RASGRF1: variants seen among roughly 807,000 people sequenced by gnomAD.
The protein encoded by RASGRF1 is Ras protein specific guanine nucleotide releasing factor 1.
In RASGRF1, 40 loss-of-function variants were observed where a neutral mutation model predicts 138.7. The observed-to-expected ratio is 0.29, with a 90% CI of 0.22 to 0.38. RASGRF1 has a LOEUF of 0.38. Among genes scored for constraint, RASGRF1 ranks in the 10% least tolerant of loss-of-function variants. The probability of loss-of-function intolerance (pLI) is 1.00; values close to 1 mark genes in which losing one functional copy is unlikely to be tolerated. For missense variants in RASGRF1, 1,108 were observed against 1,650.4 expected, an observed-to-expected ratio of 0.67 and a Z score of 5.69; for synonymous variants, 614 against 663.2, an observed-to-expected ratio of 0.93 and a Z score of 1.14.
At chr15:79,033,754 T>A (rs1202086745) in intron 6 of RASGRF1, among the ~76,000 whole-genome samples, 2 of 151,596 alleles carry the variant, frequency 1.3e-5, no homozygotes, top group African/African-American at 2.4e-5. Flanking sequence ...TACACCTGGC[T>A]AATTTTTGTA....
At chr15:79,081,073 T>C (rs1177238332) in intron 1 of RASGRF1, among the ~76,000 whole-genome samples, 1 of 152,254 alleles carries the variant, frequency 6.6e-6, no homozygotes, top group East Asian at 1.9e-4. Context: ...AAAGGTGCTT[T>C]ATCTGAGTGG....
chr15:78,969,844 C>T (rs2055715963), intron 26 of RASGRF1, among the ~76,000 whole-genome samples: 1 of 152,026 alleles, frequency 6.6e-6, no homozygotes, highest in South Asian at 2.1e-4. Context: ...TCGTGAGGGC[C>T]AAGAGTTTAT....
chr15:78,979,309 G>A (rs748270634), intron 24 of RASGRF1: 11 of 748,210 alleles, frequency 1.5e-5, no homozygotes, highest in South Asian at 1.9e-5. Context: ...GGAGGCAGAC[G>A]AGGCTGGCAG....
At chr15:78,970,862 A>G (rs2055744598) in intron 26 of RASGRF1, among the ~76,000 whole-genome samples, 1 of 141,450 alleles carries the variant, frequency 7.1e-6, no homozygotes, top group South Asian at 2.2e-4. Flanking sequence ...ATTCTCTTAC[A>G]TGGCCTTGCA....
intron 24 of RASGRF1, among the ~76,000 whole-genome samples, chr15:78,976,848 C>T (rs575119580): frequency 1.7e-4 from 26 of 152,248 alleles, no homozygotes; most frequent in Non-Finnish European, 8.8e-5. Flanking sequence ...AGAGCTGATA[C>T]GGGGGTGGCT....
intron 8 of RASGRF1, among the ~76,000 whole-genome samples, chr15:79,030,052 G>C (rs1051395170): frequency 6.6e-6 from 1 of 152,152 alleles, no homozygotes; most frequent in African/African-American, 2.4e-5. Context: ...CTTCCTGCTT[G>C]GTGGTTTCGT....
intron 22 of RASGRF1, among the ~76,000 whole-genome samples, chr15:78,988,763 C>T (rs1446588065): frequency 1.3e-5 from 2 of 151,526 alleles, no homozygotes; most frequent in Non-Finnish European, 2.9e-5. Context: ...AGGGCTGTCA[C>T]GAGGCTGGGA....
chr15:79,054,483 T>C (rs1321700835), intron 3 of RASGRF1, among the ~76,000 whole-genome samples: 1 of 152,222 alleles, frequency 6.6e-6, no homozygotes, highest in Non-Finnish European at 1.5e-5. Flanking sequence ...TCTCTCTTCT[T>C]GGAAATGGTG....
At chr15:78,964,063 G>A (rs2055597203) in intron 26 of RASGRF1, among the ~76,000 whole-genome samples, 1 of 151,828 alleles carries the variant, frequency 6.6e-6, no homozygotes, top group Admixed American at 6.6e-5. Flanking sequence ...ACCTGACTTG[G>A]CTAAGTCAGG....
intron 14 of RASGRF1, 65 bp from the exon 15 acceptor site, chr15:79,004,240 G>A (rs2056619833): frequency 6.7e-7 from 1 of 1,498,038 alleles, no homozygotes; most frequent in East Asian, 2.3e-5. Context: ...TAGGCCTGGG[G>A]GCCGTCTCCG....
chr15:78,976,481 G>A (rs747758479), intron 24 of RASGRF1, among the ~76,000 whole-genome samples: 14 of 152,076 alleles, frequency 9.2e-5, no homozygotes, highest in Non-Finnish European at 1.6e-4. Context: ...GGCCATATGC[G>A]GCCCTTAGGC....
chr15:78,979,214 C>T (rs1287882415), intron 24 of RASGRF1: 2 of 1,244,684 alleles, frequency 1.6e-6, no homozygotes, highest in South Asian at 1.3e-5. Context: ...TGTCTGAGGA[C>T]ACAAACAAAG....
chr15:79,035,577 C>T (rs2057208898), intron 5 of RASGRF1, among the ~76,000 whole-genome samples: 1 of 152,206 alleles, frequency 6.6e-6, no homozygotes, highest in Admixed American at 6.5e-5. Context: ...CACACCCCCT[C>T]CCCCAAGGTA....
At chr15:79,060,925 C>G (rs2141056161) in intron 2 of RASGRF1, among the ~76,000 whole-genome samples, 1 of 151,996 alleles carries the variant, frequency 6.6e-6, no homozygotes, top group Non-Finnish European at 1.5e-5. Context: ...GTCAATGTGG[C>G]TCAGTTGACC....
Position 79,020,101 on chromosome 15 carries a change from C to T in RASGRF1, c.1546G>A (p.Gly516Arg). 6.2e-7 allele frequency: 1 copy of T among 1,613,910 alleles called. No homozygotes were observed. Among genetic ancestry groups the T allele is most frequent in the Non-Finnish European group, 8.5e-7 (1 of 1,180,022 alleles). Residue 516 changes from glycine to arginine, a missense_variant, in exon 11 of 27, where the codon GGA becomes AGA. Physicochemically the swap from Gly to Arg is moderately radical, Grantham distance 125 (BLOSUM62 -2). Around this residue, in one of 3 missense-constraint regions of RASGRF1, gnomAD observed 686 missense variants for 976.7 expected, o/e 0.70. Transcript: ENST00000558480. ...GTGCAGTCAATGAGGGATATGACTC[C>T]ATTCTGAAAAAGAGCAGCAGGGGCT... ...SGGKLHLTKNGVISLIDCTLL... is the reference protein window; with the variant it reads ...SGGKLHLTKNRVISLIDCTLL...
chr15:79,033,581 C>CTTTTTTTTTTTTTT (rs71148586), intron 6 of RASGRF1, among the ~76,000 whole-genome samples: 55 of 93,940 alleles, frequency 5.9e-4, no homozygotes, highest in African/African-American at 7.0e-4. Flanking sequence ...TTTTTCTTTT[C>CTTTTTTTTTTTTTT]TTTTTTTTTT....
intron 1 of RASGRF1, chr15:79,064,798 G>A (rs2057655141): frequency 2.2e-6 from 1 of 444,584 alleles, no homozygotes; most frequent in Admixed American, 3.9e-5. Context: ...TTGCAAAAAA[G>A]CCAGTTTGAA....
At chr15:79,028,805 G>A (rs958627307) in intron 8 of RASGRF1, among the ~76,000 whole-genome samples, 4 of 152,186 alleles carry the variant, frequency 2.6e-5, no homozygotes, top group South Asian at 2.1e-4. Context: ...TAATATGTGC[G>A]GCTTACAAAC....
rs184535733 is a variant in RASGRF1, at chr15:78,976,591, C to T, written c.3495-3171G>A. On this transcript the variant is annotated intron_variant, in intron 24 of 26. Transcript: ENST00000558480. ...ACACACACACACACACACACCCATC[C>T]GAAATCCAGAGCCATGTGGGCAAAT... 1.3e-3 allele frequency among the ~76,000 whole-genome samples: 191 copies of T among 152,130 alleles called. 1 individual carries two copies. The highest frequency in any genetic ancestry group is 4.4e-3 in the African/African-American group (182 of 41,502).
Sources: gnomAD v4.1 joint callset for allele counts (sites outside exome capture counted in the v4.1 genomes callset) on GRCh38, gnomAD v4.1.1 for gene constraint, gnomAD v4.1.1 regional missense constraint, MANE v1.5 for transcripts, NCBI Gene and HGNC (gene_info 2026-07-23, HGNC 2026-07-21) for gene names.